Variants in CREBRF observed in about 807,000 individuals in gnomAD.
The protein encoded by CREBRF is UPF0474 protein C5orf41.
CREBRF carries 5 observed loss-of-function variants against 66.1 expected under a neutral mutation model. The ratio of observed to expected loss-of-function variants is 0.08; its 90% CI spans 0.04 to 0.16. CREBRF has a LOEUF of 0.16. Ranked by LOEUF, CREBRF falls within the 10% of genes least tolerant of loss-of-function variation. The pLI, the probability that CREBRF is intolerant of heterozygous loss-of-function variation, is 1.00. For synonymous variants in CREBRF, 229 were observed against 264.4 expected, an observed-to-expected ratio of 0.87 and a Z score of 1.30; for missense variants, 531 against 744.9, an observed-to-expected ratio of 0.71 and a Z score of 3.34.
chr5:173,128,286 A>G (rs1759319159), intron 8 of CREBRF, among the ~76,000 whole-genome samples: 1 of 152,136 alleles, frequency 6.6e-6, no homozygotes, highest in Admixed American at 6.5e-5. Flanking sequence ...ATTGTTTTCT[A>G]GTTTTATTAC....
At chr5:173,058,117 A>G (rs983698917) in intron 1 of CREBRF, among the ~76,000 whole-genome samples, 3 of 151,842 alleles carry the variant, frequency 2.0e-5, no homozygotes, top group East Asian at 1.9e-4. Flanking sequence ...ACTTGATTGT[A>G]CTTTTAAATA....
chr5:173,134,338 T>C lies in CREBRF; in HGVS notation c.*593T>C. ...TGCAAGTAAGAAAAAAAAAGCATATTCTTTGTGCCTTGTATTTTGGGGAAA... is the reference window on the plus strand; with the variant it reads ...TGCAAGTAAGAAAAAAAAAGCATATCCTTTGTGCCTTGTATTTTGGGGAAA... On this transcript the variant is annotated 3_prime_UTR_variant, in exon 9 of 9. Coordinates refer to ENST00000296953, the MANE Select transcript of CREBRF (RefSeq NM_153607.3). The C allele has an allele frequency of 3.8e-6, 1 of 260,952 alleles. No homozygotes were observed. Among genetic ancestry groups the C allele is most frequent in the Non-Finnish European group, 7.7e-6 (1 of 130,004 alleles). The allele number at this position is 260,952 out of a possible 1,614,324, so 16.2% of individuals were successfully genotyped here.
intron 1 of CREBRF, among the ~76,000 whole-genome samples, chr5:173,078,950 C>G (rs1267887942): frequency 6.6e-6 from 1 of 152,134 alleles, no homozygotes; most frequent in East Asian, 1.9e-4. Context: ...AATTAGATGC[C>G]TTTAGGGAGG....
At chr5:173,103,587 C>G (rs2113761394) in intron 4 of CREBRF, among the ~76,000 whole-genome samples, 1 of 152,290 alleles carries the variant, frequency 6.6e-6, no homozygotes, top group East Asian at 1.9e-4. Flanking sequence ...TCCCTTGATG[C>G]TGTTTCTTGG....
chr5:173,087,386 A>G (rs1378988678), intron 3 of CREBRF, among the ~76,000 whole-genome samples: 2 of 151,896 alleles, frequency 1.3e-5, no homozygotes, highest in Non-Finnish European at 2.9e-5. Flanking sequence ...CCTGGCCTAC[A>G]TCTAGTAATT....
rs569498175 is a variant in CREBRF at position 173,062,937 on chromosome 5, C to T, written c.-192+6458C>T. ...TAATTTTTTGTATTTTTAGTAGAGA[C>T]GGGGTTTCACCGTTTTAGCCGGGAT... On this transcript the variant is annotated intron_variant, in intron 1 of 8. Transcript: ENST00000296953. Among the ~76,000 whole-genome samples the T allele has an allele frequency of 1.8e-4, 28 of 151,788 alleles. 1 individual carries two copies. In the South Asian group the frequency reaches 4.0e-3, roughly 21 times the overall value.
At chr5:173,122,644 A>G (rs1409522437) in intron 7 of CREBRF, among the ~76,000 whole-genome samples, 1 of 146,604 alleles carries the variant, frequency 6.8e-6, no homozygotes, top group Non-Finnish European at 1.5e-5. Flanking sequence ...CATGTGCACA[A>G]TGTGCCAGTT....
At chr5:173,071,454 C>T (rs966271780) in intron 1 of CREBRF, among the ~76,000 whole-genome samples, 2 of 152,028 alleles carry the variant, frequency 1.3e-5, no homozygotes, top group Admixed American at 6.6e-5. Flanking sequence ...AGGTGATCCA[C>T]CCATCTTGGC....
rs1435513193 is a variant in CREBRF, at chr5:173,123,130, G to T, written c.1732G>T (p.Val578Leu). The stretch of plus-strand genomic sequence containing the variant: ...CATCAAGCAAGAGATTGTAAACCGG[G>T]TACAGAATCCAAGAGATGAGAGAGG... ...NSIKQEIVNR[V>L]QNPRDERGPN... The change falls in exon 8 of 9, where the codon GTA (valine) becomes TTA (leucine). Residue 578 changes from valine to leucine, a missense_variant. Coordinates refer to ENST00000296953, the MANE Select transcript of CREBRF (RefSeq NM_153607.3). The T allele has an allele frequency of 6.2e-7, 1 of 1,606,750 alleles. No individual in the cohort carries two copies. Among genetic ancestry groups the T allele is most frequent in the South Asian group, 1.1e-5 (1 of 89,632 alleles).
chr5:173,100,122 A>G lies in CREBRF; in HGVS notation c.1223-8502A>G, dbSNP rs371618717. Among the ~76,000 whole-genome samples the G allele has an allele frequency of 9.4e-3, 357 of 37,930 alleles. 2 individuals are homozygous for G. The highest frequency in any genetic ancestry group is 0.019 in the South Asian group (16 of 828). 24.9% of individuals were successfully genotyped at this position (37,930 alleles called of 152,430 possible). A position where few individuals can be genotyped will look rare whatever the true frequency, so the allele number is the denominator to read the frequency against. ...TGTGTGTGTGTGTGTGTGTGTGTAT[A>G]TATATATAATTTTTTTTTTTTTTTT... On this transcript the variant is annotated intron_variant, in intron 4 of 8. Coordinates refer to ENST00000296953, the MANE Select transcript of CREBRF (RefSeq NM_153607.3).
chr5:173,095,183 C>CTTTTTT (rs34893180), intron 4 of CREBRF, among the ~76,000 whole-genome samples: 56 of 89,582 alleles, frequency 6.3e-4, no homozygotes, highest in Middle Eastern at 8.6e-3. Flanking sequence ...ATTACTATAG[C>CTTTTTT]TTTTTTTTTT....
In CREBRF at chr5:173,090,659, T is replaced by C; in HGVS notation, c.480T>C (p.Leu160=). ...ATTCCCTTTATTACCCCGATTCACT[T>C]TTCAGTGTCAAACAAAATCCCTTAC... is the stretch of plus-strand genomic sequence containing the variant. The part of the protein sequence containing the change: ...VSDSLYYPDS[L]FSVKQNPLPS... Residue 160 remains leucine (L), a synonymous_variant, in exon 4 of 9, where the codon CTT becomes CTC. Transcript: ENST00000296953. This position sits in a 1 kb window ranked among gnomAD's most constrained non-coding sequence, Gnocchi z 4.5. 2 of 1,614,138 alleles carry C rather than the reference T, an allele frequency of 1.2e-6. No homozygotes were observed. Among genetic ancestry groups the C allele is most frequent in the Non-Finnish European group, 1.7e-6 (2 of 1,180,020 alleles).
chr5:173,128,597 A>T (rs1267574892), intron 8 of CREBRF, among the ~76,000 whole-genome samples: 2 of 152,004 alleles, frequency 1.3e-5, no homozygotes, highest in South Asian at 4.1e-4. Flanking sequence ...TTAGTACTAA[A>T]TCTGCATTAT....
At chr5:173,089,584 G>A (rs574478525) in intron 3 of CREBRF, among the ~76,000 whole-genome samples, 30 of 151,516 alleles carry the variant, frequency 2.0e-4, no homozygotes, top group Non-Finnish European at 3.7e-4. Context: ...CAATTTGGGA[G>A]GGCAAGGTGG....
intron 4 of CREBRF, chr5:173,091,927 A>G: frequency 3.0e-6 from 1 of 337,168 alleles, no homozygotes; most frequent in South Asian, 1.2e-4. Flanking sequence ...TCTACTAAAA[A>G]TACAAAAATC....
At chr5:173,115,885 C>A (rs958731819) in intron 7 of CREBRF, among the ~76,000 whole-genome samples, 2 of 152,238 alleles carry the variant, frequency 1.3e-5, no homozygotes, top group Non-Finnish European at 2.9e-5. Flanking sequence ...GCTGGGATTA[C>A]AGGCATGAGC....
At position 173,062,747 on chromosome 5, in the gene CREBRF, C is replaced by CTTTTTT. The variant is rs35042056; in HGVS notation, c.-192+6281_-192+6286dup. Among the ~76,000 whole-genome samples, 9 of 118,740 alleles carry CTTTTTT rather than the reference C, an allele frequency of 7.6e-5. 1 individual carries two copies. Among genetic ancestry groups the CTTTTTT allele is most frequent in the African/African-American group, 1.3e-4 (4 of 31,402 alleles). The allele number at this position is 118,740 out of a possible 152,430, so 77.9% of individuals were successfully genotyped here. A position where few individuals can be genotyped will look rare whatever the true frequency, so the allele number is the denominator to read the frequency against. ...TTAAGGAGGGCACTGTAAAATCATTCTTTTTTTTTTTTTTTTTTGAGACGG... is the reference window on the plus strand; with the variant it reads ...TTAAGGAGGGCACTGTAAAATCATTCTTTTTTTTTTTTTTTTTTTTTTTTGAGACGG... On this transcript the variant is annotated intron_variant, in intron 1 of 8. Coordinates refer to ENST00000296953, the MANE Select transcript of CREBRF (RefSeq NM_153607.3).
At chr5:173,069,306 G>A (rs538714757) in intron 1 of CREBRF, among the ~76,000 whole-genome samples, 12 of 152,112 alleles carry the variant, frequency 7.9e-5, no homozygotes, top group Admixed American at 4.6e-4. Flanking sequence ...AAGTAAGGCA[G>A]ATGAGAGTCT....
chr5:173,068,931 G>T lies in CREBRF; in HGVS notation c.-191-11654G>T, dbSNP rs191749219. ...TGAAAAAAAAAAAAAAATTAGCTGA[G>T]CGTGGTGGCGTGCACCTGTAGTCCC... On this transcript the variant is annotated intron_variant, in intron 1 of 8. Transcript: ENST00000296953. Among the ~76,000 whole-genome samples, 199 of 152,020 alleles carry T rather than the reference G, an allele frequency of 1.3e-3. 1 individual carries two copies. Among genetic ancestry groups the T allele is most frequent in the Non-Finnish European group, 3.4e-4 (23 of 67,980 alleles).
Sources: allele counts gnomAD v4.1 joint callset (sites outside exome capture counted in the v4.1 genomes callset), GRCh38; gene constraint gnomAD v4.1.1; non-coding constraint Gnocchi (gnomAD v3.1); transcripts MANE v1.5; gene names NCBI Gene and HGNC (gene_info 2026-07-23, HGNC 2026-07-21).